Variants in CNTNAP4 observed in about 807,000 individuals in gnomAD.
CNTNAP4 encodes the protein contactin associated protein family member 4, also known as contactin-associated protein-like 4.
A neutral mutation model predicts 148.4 loss-of-function variants in CNTNAP4; 98 were observed. That is an observed-to-expected ratio of 0.66 (90% CI 0.56 to 0.78). The LOEUF (loss-of-function observed/expected upper bound fraction) is 0.78, where lower values mean the gene tolerates loss of function less well. Ranked by LOEUF, CNTNAP4 falls within the 30% of genes least tolerant of loss-of-function variation. The pLI is 0.00. For missense variants in CNTNAP4, 1,935 were observed against 1,565.6 expected (o/e 1.24, Z -3.98); for synonymous variants, 730 against 565.1 (o/e 1.29, Z -4.14).
intron 12 of CNTNAP4, among the ~76,000 whole-genome samples, chr16:76,485,373 T>C (rs1298885062): frequency 6.6e-6 from 1 of 152,200 alleles, no homozygotes; most frequent in Non-Finnish European, 1.5e-5. Flanking sequence ...TGCCTCAGCC[T>C]CCCAAAGTGC....
chr16:76,358,842 G>A (rs2013041442), intron 3 of CNTNAP4, among the ~76,000 whole-genome samples: 1 of 141,484 alleles, frequency 7.1e-6, no homozygotes, highest in Non-Finnish European at 1.6e-5. Context: ...GTATACGTAT[G>A]TGTGTGTATA....
intron 2 of CNTNAP4, among the ~76,000 whole-genome samples, chr16:76,351,008 G>C (rs1013749846): frequency 2.6e-5 from 4 of 152,058 alleles, no homozygotes; most frequent in Non-Finnish European, 2.9e-5. Context: ...TGTTTTGTGC[G>C]TAAATTATCA....
chr16:76,407,787 G>A (rs1489449609), intron 3 of CNTNAP4, among the ~76,000 whole-genome samples: 1 of 152,134 alleles, frequency 6.6e-6, no homozygotes, highest in Non-Finnish European at 1.5e-5. Context: ...GAACTTAGTT[G>A]ATAAAGCAGT....
chr16:76,450,590 TAAAAG>T (rs2080424315), intron 7 of CNTNAP4, among the ~76,000 whole-genome samples: 1 of 152,162 alleles, frequency 6.6e-6, no homozygotes, highest in South Asian at 2.1e-4. Flanking sequence ...TCATGATAAA[TAAAAG>T]AGACGAACAG....
chr16:76,291,530 G>A (rs928963937), intron 1 of CNTNAP4, among the ~76,000 whole-genome samples: 2 of 152,060 alleles, frequency 1.3e-5, no homozygotes, highest in African/African-American at 2.4e-5. Context: ...ACTTTCTTCT[G>A]TATGTTACCC....
intron 21 of CNTNAP4, among the ~76,000 whole-genome samples, chr16:76,553,018 T>A (rs1005703517): frequency 6.6e-6 from 1 of 152,208 alleles, no homozygotes; most frequent in Non-Finnish European, 1.5e-5. Context: ...CTTCTTAACC[T>A]GACCCATTCT....
chr16:76,356,488 A>G (rs900633809), intron 3 of CNTNAP4, among the ~76,000 whole-genome samples: 4 of 152,192 alleles, frequency 2.6e-5, no homozygotes, highest in African/African-American at 9.7e-5. Flanking sequence ...TAGTTGATTG[A>G]TAAATAAACC....
intron 10 of CNTNAP4, among the ~76,000 whole-genome samples, chr16:76,470,907 G>T (rs746049829): frequency 6.3e-4 from 96 of 152,050 alleles, no homozygotes; most frequent in Non-Finnish European, 1.1e-3. Context: ...ACATTCATAT[G>T]CTCATTCACA....
intron 3 of CNTNAP4, among the ~76,000 whole-genome samples, chr16:76,386,716 G>A (rs543074772): frequency 1.3e-5 from 2 of 152,062 alleles, no homozygotes; most frequent in Non-Finnish European, 1.5e-5. Context: ...CTACCTTAAC[G>A]TTGGGACCTA....
chr16:76,435,026 G>A (rs751977965), intron 4 of CNTNAP4, among the ~76,000 whole-genome samples: 35 of 152,106 alleles, frequency 2.3e-4, no homozygotes, highest in Non-Finnish European at 4.6e-4. Flanking sequence ...TTTCCCCAGT[G>A]CACAGTTACC....
chr16:76,374,631 T>G (rs1483095884), intron 3 of CNTNAP4, among the ~76,000 whole-genome samples: 1 of 151,954 alleles, frequency 6.6e-6, no homozygotes, highest in East Asian at 1.9e-4. Context: ...ACACAAACAT[T>G]GAATTTCCGT....
intron 4 of CNTNAP4, among the ~76,000 whole-genome samples, chr16:76,445,329 G>T (rs2080199909): frequency 6.6e-6 from 1 of 152,080 alleles, no homozygotes; most frequent in African/African-American, 2.4e-5. Context: ...TTGTTTACTT[G>T]CTAAATATTG....
chr16:76,365,621 G>A (rs72628213), intron 3 of CNTNAP4, among the ~76,000 whole-genome samples: 21,354 of 151,494 alleles, frequency 0.14, 2,135 homozygotes, highest in East Asian at 0.47. Context: ...GTATAGTGGC[G>A]GACACCTGTA....
intron 3 of CNTNAP4, among the ~76,000 whole-genome samples, chr16:76,414,611 C>G (rs977429755): frequency 2.0e-5 from 3 of 151,148 alleles, no homozygotes; most frequent in Non-Finnish European, 4.5e-5. Flanking sequence ...GTGATTTTGT[C>G]CTTAAATGTT....
intron 2 of CNTNAP4, among the ~76,000 whole-genome samples, chr16:76,328,113 C>A (rs541673015): frequency 6.6e-6 from 1 of 152,336 alleles, no homozygotes; most frequent in East Asian, 1.9e-4. Flanking sequence ...TCATAATTCT[C>A]TACCTCTGAA....
chr16:76,535,271 A>T (rs191459754), intron 17 of CNTNAP4, among the ~76,000 whole-genome samples: 3 of 152,236 alleles, frequency 2.0e-5, no homozygotes, highest in African/African-American at 7.2e-5. Context: ...GTTATTTTCA[A>T]TGAGAGTAGT....
chr16:76,472,802 G>C (rs546199807), intron 10 of CNTNAP4, among the ~76,000 whole-genome samples: 2 of 152,248 alleles, frequency 1.3e-5, no homozygotes, highest in African/African-American at 4.8e-5. Flanking sequence ...GGACTTACTG[G>C]AGGTTGGAGG....
At chr16:76,361,309 C>T (rs374268681) in intron 3 of CNTNAP4, among the ~76,000 whole-genome samples, 3 of 152,268 alleles carry the variant, frequency 2.0e-5, no homozygotes, top group Admixed American at 2.0e-4. Flanking sequence ...TCACCCTTTT[C>T]CTATCCCCTG....
At position 76,560,505 on chromosome 16, in the gene CNTNAP4, GCT is replaced by G; in HGVS notation, c.*1823_*1824del. On this transcript the variant is annotated 3_prime_UTR_variant, in exon 24 of 24. Transcript: ENST00000611870. Reference sequence around the variant, plus strand: ...AATGGCATTATTTATTCGATGCAAAGCTGAGTGCAAACATCATTATATCTCTG... The same window carrying G: ...AATGGCATTATTTATTCGATGCAAAGGAGTGCAAACATCATTATATCTCTG... Among the ~76,000 whole-genome samples the G allele has an allele frequency of 6.6e-6, 1 of 152,312 alleles. No individual in the cohort carries two copies. The highest frequency in any genetic ancestry group is 3.4e-3 in the Middle Eastern group (1 of 294).
Sources: gnomAD v4.1 joint callset for allele counts (sites outside exome capture counted in the v4.1 genomes callset) on GRCh38, gnomAD v4.1.1 for gene constraint, MANE v1.5 for transcripts, NCBI Gene and HGNC (gene_info 2026-07-23, HGNC 2026-07-21) for gene names.